DSCAML1: variants seen among roughly 807,000 people sequenced by gnomAD.
DSCAML1 encodes the protein cell adhesion molecule DSCAML1.
DSCAML1 carries 38 observed loss-of-function variants against 200.5 expected under a neutral mutation model. The observed-to-expected ratio is 0.19, with a 90% confidence interval of 0.15 to 0.25. DSCAML1 has a LOEUF of 0.25. Ranked by LOEUF, DSCAML1 falls within the 10% of genes least tolerant of loss-of-function variation. The pLI is 1.00. For missense variants in DSCAML1, 2,223 were observed against 2,858.8 expected, an observed-to-expected ratio of 0.78 and a Z score of 5.07; for synonymous variants, 1,215 against 1,165.0, an observed-to-expected ratio of 1.04 and a Z score of -0.87.
At chr11:117,429,831 G>A (rs750471639) in intron 32 of DSCAML1, among the ~76,000 whole-genome samples, 6 of 152,192 alleles carry the variant, frequency 3.9e-5, no homozygotes, top group Non-Finnish European at 5.9e-5. Context: ...GAATCCTCAC[G>A]ACAGCCCCTA....
chr11:117,796,191 G>A (rs1004461468), intron 1 of DSCAML1, among the ~76,000 whole-genome samples: 2 of 152,232 alleles, frequency 1.3e-5, no homozygotes, highest in South Asian at 2.1e-4. Flanking sequence ...GGTACGCAGC[G>A]CCCCAGCCGC....
chr11:117,715,005 T>C (rs188012970), intron 3 of DSCAML1, among the ~76,000 whole-genome samples: 15 of 151,572 alleles, frequency 9.9e-5, no homozygotes, highest in Admixed American at 8.5e-4. Context: ...AAACCAACCA[T>C]GCCAGGAGGA....
At chr11:117,620,929 G>T (rs2051915204) in intron 3 of DSCAML1, among the ~76,000 whole-genome samples, 1 of 152,218 alleles carries the variant, frequency 6.6e-6, no homozygotes, top group South Asian at 2.1e-4. Context: ...GCATGTAAAA[G>T]TGCTTCATGT....
At chr11:117,435,000 A>G (rs1041481859) in intron 27 of DSCAML1, among the ~76,000 whole-genome samples, 7 of 152,224 alleles carry the variant, frequency 4.6e-5, no homozygotes, top group African/African-American at 1.7e-4. Context: ...ATTGATCTCT[A>G]TAGTCTTGCA....
intron 11 of DSCAML1, among the ~76,000 whole-genome samples, chr11:117,495,320 C>T (rs1293647355): frequency 6.6e-6 from 1 of 152,192 alleles, no homozygotes; most frequent in Non-Finnish European, 1.5e-5. Flanking sequence ...AAGCTCTTTG[C>T]TGTGTAATGG....
rs10636580 is a variant in DSCAML1, at chr11:117,780,217, G to GAGAGAAAGAA, written c.364+275_364+276insTTCTTTCTCT. The stretch of plus-strand genomic sequence containing the variant: ...AAAGAAAGAGAAAGAAAGAGAGAGA[G>GAGAGAAAGAA]AGAAAGAAAGAAAGGAAAGAAAGAA... On this transcript the variant is annotated intron_variant, in intron 2 of 32. Transcript: ENST00000651296. This position sits in a 1 kb window ranked among gnomAD's most constrained non-coding sequence, Gnocchi z 4.8. Among the ~76,000 whole-genome samples, 1,058 of 76,832 alleles carry GAGAGAAAGAA rather than the reference G, an allele frequency of 0.014. 50 individuals carry two copies. The highest frequency in any genetic ancestry group is 0.022 in the Non-Finnish European group (799 of 36,790). 50.4% of individuals were successfully genotyped at this position (76,832 alleles called of 152,430 possible).
intron 3 of DSCAML1, among the ~76,000 whole-genome samples, chr11:117,709,472 A>G (rs1020640823): frequency 6.6e-6 from 1 of 152,160 alleles, no homozygotes; most frequent in Non-Finnish European, 1.5e-5. Context: ...AACCTTAAGT[A>G]CTTCCTTAGA....
chr11:117,793,241 G>A (rs906424957), intron 1 of DSCAML1, among the ~76,000 whole-genome samples: 2 of 152,122 alleles, frequency 1.3e-5, no homozygotes, highest in Non-Finnish European at 2.9e-5. Flanking sequence ...CATGCACCTG[G>A]GTACCCGCTA....
At chr11:117,538,725 C>T (rs1332144200) in intron 3 of DSCAML1, among the ~76,000 whole-genome samples, 1 of 151,724 alleles carries the variant, frequency 6.6e-6, no homozygotes, top group Non-Finnish European at 1.5e-5. Flanking sequence ...AGAGAGAAGC[C>T]ACCCTCTGCA....
intron 20 of DSCAML1, among the ~76,000 whole-genome samples, chr11:117,447,124 A>G (rs2048195588): frequency 6.6e-6 from 1 of 152,168 alleles, no homozygotes. Context: ...CCCTGCCTCT[A>G]CAAAAATACA....
chr11:117,615,385 C>T (rs1813009503), intron 3 of DSCAML1, among the ~76,000 whole-genome samples: 1 of 152,204 alleles, frequency 6.6e-6, no homozygotes, highest in Non-Finnish European at 1.5e-5. Flanking sequence ...TAGCTTTTGG[C>T]TGCAAATCCT....
chr11:117,573,264 A>C (rs1323219670), intron 3 of DSCAML1, among the ~76,000 whole-genome samples: 1 of 152,192 alleles, frequency 6.6e-6, no homozygotes, highest in Admixed American at 6.5e-5. Context: ...AGCTTTCTAG[A>C]GACTAGAGCA....
At chr11:117,547,943 G>T (rs150077972) in intron 3 of DSCAML1, among the ~76,000 whole-genome samples, 41 of 152,166 alleles carry the variant, frequency 2.7e-4, no homozygotes, top group African/African-American at 8.4e-4. Context: ...GGTTCATCCT[G>T]ACCCACCCCT....
At chr11:117,607,368 G>A (rs2051588055) in intron 3 of DSCAML1, among the ~76,000 whole-genome samples, 1 of 152,206 alleles carries the variant, frequency 6.6e-6, no homozygotes, top group Non-Finnish European at 1.5e-5. Context: ...ACTATGTGTA[G>A]GTCTAGTGTT....
chr11:117,542,861 T>G (rs2050298540), intron 3 of DSCAML1, among the ~76,000 whole-genome samples: 1 of 152,204 alleles, frequency 6.6e-6, no homozygotes, highest in Admixed American at 6.5e-5. Flanking sequence ...GACTCACACC[T>G]GGGGCTCCTG....
At chr11:117,757,620 A>ACACAC (rs1565266292) in intron 3 of DSCAML1, among the ~76,000 whole-genome samples, 1 of 139,286 alleles carries the variant, frequency 7.2e-6, no homozygotes, top group African/African-American at 2.7e-5. Context: ...ACACACACAC[A>ACACAC]ATTATTTTTC....
chr11:117,433,395 C>G (rs779480217), intron 28 of DSCAML1, 46 bp downstream of exon 28: 2 of 1,610,604 alleles, frequency 1.2e-6, no homozygotes, highest in East Asian at 4.5e-5. Flanking sequence ...CTCCTCAGGA[C>G]AGAGGGGAGA....
At chr11:117,697,802 C>T (rs1372288200) in intron 3 of DSCAML1, among the ~76,000 whole-genome samples, 2 of 149,082 alleles carry the variant, frequency 1.3e-5, no homozygotes, top group African/African-American at 2.5e-5. Flanking sequence ...GACGGAGTCT[C>T]GCTCTGTCGC....
chr11:117,495,366 G>A (rs1405154883), intron 11 of DSCAML1, among the ~76,000 whole-genome samples: 15 of 152,196 alleles, frequency 9.9e-5, no homozygotes, highest in Admixed American at 9.8e-4. Context: ...AGCAAACACA[G>A]ACAGGAGAAG....
Sources: allele counts gnomAD v4.1 joint callset (sites outside exome capture counted in the v4.1 genomes callset), GRCh38; gene constraint gnomAD v4.1.1; non-coding constraint Gnocchi (gnomAD v3.1); transcripts MANE v1.5; gene names NCBI Gene and HGNC (gene_info 2026-07-23, HGNC 2026-07-21).